The following MYO7B variants were observed in gnomAD, a reference collection of about 807,000 sequenced individuals.
MYO7B encodes the protein myosin VIIB.
Under a neutral mutation model 259.7 loss-of-function variants are expected in MYO7B, and 212 were observed. The ratio of observed to expected loss-of-function variants is 0.82; its 90% CI spans 0.73 to 0.91. The LOEUF (loss-of-function observed/expected upper bound fraction) is 0.91. Among genes scored for constraint, MYO7B ranks in the 40% least tolerant of loss-of-function variants. MYO7B has a pLI of 0.00. For missense variants in MYO7B, 2,732 were observed against 2,813.5 expected (o/e 0.97, Z 0.66); for synonymous variants, 1,197 against 1,166.4 (o/e 1.03, Z -0.54).
In MYO7B at chr2:127,569,768, C is replaced by T. The variant is rs1678508075; in HGVS notation, c.471-21C>T. On this transcript the variant is annotated intron_variant, in intron 5 of 47. Transcript: ENST00000409816. ...AAATAGTCGTTTTGTGGCATCATGTCCCTGCACACCCTTTTTGCAGCGGCG... is the reference window on the plus strand; with the variant it reads ...AAATAGTCGTTTTGTGGCATCATGTTCCTGCACACCCTTTTTGCAGCGGCG... The T allele has an allele frequency of 2.5e-6, 4 of 1,598,246 alleles. No homozygotes were observed. The African/African-American group carries it at 5.4e-5, about 21-fold the overall frequency.
At chr2:127,637,252 T>G in intron 47 of MYO7B, 64 bp from the exon 48 acceptor site, 1 of 1,258,426 alleles carries the variant, frequency 7.9e-7, no homozygotes, top group Non-Finnish European at 1.1e-6. Context: ...AGGTGGTCCC[T>G]GAGTCCAGGA....
At chr2:127,589,919 G>A in intron 15 of MYO7B, among the ~76,000 whole-genome samples, 173 bp from the exon 16 acceptor site, 2 of 148,338 alleles carry the variant, frequency 1.3e-5, no homozygotes, top group Non-Finnish European at 3.0e-5. Context: ...GGGGTGGGTG[G>A]ATGGGTGAGT....
Position 127,576,190 on chromosome 2 carries a change from C to A in MYO7B, c.736-405C>A, listed in dbSNP as rs934271461. ...CTCTAGCTTGGGTGACAGAGCAAGA[C>A]CTTCTCTCGGAAAAAAAAAAAATAC... On this transcript the variant is annotated intron_variant, in intron 7 of 47. Coordinates refer to ENST00000409816, the MANE Select transcript of MYO7B (RefSeq NM_001393586.1). This position sits in a 1 kb window ranked among gnomAD's most constrained non-coding sequence, Gnocchi z 4.9. Among the ~76,000 whole-genome samples the A allele has an allele frequency of 6.6e-6, 1 of 151,628 alleles. No homozygotes were observed. Among genetic ancestry groups the A allele is most frequent in the Non-Finnish European group, 1.5e-5 (1 of 67,892 alleles).
chr2:127,558,988 A>G (rs1677950724), intron 1 of MYO7B, among the ~76,000 whole-genome samples: 1 of 152,220 alleles, frequency 6.6e-6, no homozygotes, highest in South Asian at 2.1e-4. Context: ...AGTCACGGCT[A>G]AAGAGCTTAG....
chr2:127,550,199 A>G (rs1257991229), intron 1 of MYO7B, among the ~76,000 whole-genome samples: 6 of 152,142 alleles, frequency 3.9e-5, no homozygotes, highest in Non-Finnish European at 7.4e-5. Flanking sequence ...GATGTTCCCC[A>G]TAAGGATATA....
intron 1 of MYO7B, among the ~76,000 whole-genome samples, chr2:127,543,008 G>A (rs574612884): frequency 1.8e-4 from 27 of 152,236 alleles, no homozygotes; most frequent in Admixed American, 9.8e-4. Flanking sequence ...ACATACAATC[G>A]TGTTTTACAC....
Position 127,608,836 on chromosome 2 carries a change from C to T in MYO7B, c.2772C>T (p.Ala924=). The T allele has an allele frequency of 1.2e-6, 2 of 1,613,500 alleles. No homozygotes were observed. The highest frequency in any genetic ancestry group is 1.7e-6 in the Non-Finnish European group (2 of 1,179,836). The part of the protein sequence containing the change: ...MVEKVFGFLP[A]MIGGQEGQAS... ...AGAAGGTGTTCGGCTTCCTCCCTGCCATGATTGGGGGCCAGGAGGGCCAGG... is the reference window on the plus strand; with the variant it reads ...AGAAGGTGTTCGGCTTCCTCCCTGCTATGATTGGGGGCCAGGAGGGCCAGG... Residue 924 remains alanine (A), a synonymous_variant, in exon 22 of 48, where the codon GCC becomes GCT. Coordinates refer to ENST00000409816, the MANE Select transcript of MYO7B (RefSeq NM_001393586.1).
At chr2:127,606,587 GT>G (rs770176973) in intron 20 of MYO7B, among the ~76,000 whole-genome samples, 1 of 152,226 alleles carries the variant, frequency 6.6e-6, no homozygotes, top group Non-Finnish European at 1.5e-5. Flanking sequence ...ACATAGAGGG[GT>G]TGAGCAGTTT....
rs553020457 is a variant in MYO7B, at chr2:127,584,957, G to A, written c.1690+44G>A. ...TCATGTCCCTTCCAAATCTGGACCGGGTTCCAGGGAGACCGTGGAAAGCAG... is the reference window on the plus strand; with the variant it reads ...TCATGTCCCTTCCAAATCTGGACCGAGTTCCAGGGAGACCGTGGAAAGCAG... On this transcript the variant is annotated intron_variant, in intron 14 of 47. Transcript: ENST00000409816. This position sits in a 1 kb window ranked among gnomAD's most constrained non-coding sequence, Gnocchi z 5.8. 1 of 1,607,962 alleles carries A rather than the reference G, an allele frequency of 6.2e-7. No individual in the cohort carries two copies.
intron 29 of MYO7B, 54 bp from the exon 30 acceptor site, chr2:127,624,038 CG>C (rs909389473): frequency 6.8e-7 from 1 of 1,480,592 alleles, no homozygotes; most frequent in Non-Finnish European, 9.1e-7. Context: ...TGGGCGTCCC[CG>C]TGGGGTGGGG....
Position 127,636,568 on chromosome 2 carries a change from G to T in MYO7B, c.6147G>T (p.Pro2049=). The change falls in exon 46 of 48, where the codon CCG becomes CCT. Residue 2049 remains proline (P), a synonymous_variant. Coordinates refer to ENST00000409816, the MANE Select transcript of MYO7B (RefSeq NM_001393586.1). This position sits in a 1 kb window ranked among gnomAD's most constrained non-coding sequence, Gnocchi z 4.5. ...EVKQTSEPSY[P]DVILIAINRH... ...AGCAAACCTCGGAGCCTTCCTACCCGGACGTCATCCTCATCGCCATCAACC... is the reference window on the plus strand; with the variant it reads ...AGCAAACCTCGGAGCCTTCCTACCCTGACGTCATCCTCATCGCCATCAACC... The T allele has an allele frequency of 6.2e-7, 1 of 1,612,400 alleles. No individual in the cohort carries two copies. The highest frequency in any genetic ancestry group is 8.5e-7 in the Non-Finnish European group (1 of 1,179,296).
chr2:127,554,275 T>C (rs559589943), intron 1 of MYO7B, among the ~76,000 whole-genome samples: 2 of 152,122 alleles, frequency 1.3e-5, no homozygotes, highest in Non-Finnish European at 2.9e-5. Context: ...GGTTTCTCCA[T>C]GTTGGTCAGG....
At position 127,582,460 on chromosome 2, in the gene MYO7B, A is replaced by G. The variant is rs1255846639; in HGVS notation, c.1343+14A>G. Reference sequence around the variant, plus strand: ...CGAGAACAATAGGTATGAAGATCTCAGATCCCAGCCCCACTGCTTCCAGAA... The same window carrying G: ...CGAGAACAATAGGTATGAAGATCTCGGATCCCAGCCCCACTGCTTCCAGAA... On this transcript the variant is annotated intron_variant, in intron 12 of 47. Transcript: ENST00000409816. 4.3e-6 allele frequency: 7 copies of G among 1,611,790 alleles called. No individual in the cohort carries two copies. The African/African-American group carries it at 9.3e-5, about 22-fold the overall frequency.
chr2:127,600,183 G>A (rs1003414851), intron 19 of MYO7B, among the ~76,000 whole-genome samples: 1 of 152,084 alleles, frequency 6.6e-6, no homozygotes, highest in Non-Finnish European at 1.5e-5. Flanking sequence ...AATAGTTATA[G>A]GAATGATTCA....
rs1376386861 is a variant in MYO7B, at chr2:127,631,281, C to T, written c.5013C>T (p.Ser1671=). Residue 1671 remains serine, a synonymous_variant, in exon 37 of 48, where the codon TCC becomes TCT. Transcript: ENST00000409816. The part of the protein sequence containing the change: ...ARARGHLWAY[S]CEPLRQPLLK... ...CCCGTGGCCACCTGTGGGCCTATTCCTGCGAGCCGCTGCGACAGCCGCTGC... is the reference window on the plus strand; with the variant it reads ...CCCGTGGCCACCTGTGGGCCTATTCTTGCGAGCCGCTGCGACAGCCGCTGC... 17 of 1,612,048 alleles carry T rather than the reference C, an allele frequency of 1.1e-5. No individual in the cohort carries two copies. The highest frequency in any genetic ancestry group is 1.2e-5 in the Non-Finnish European group (14 of 1,179,404).
rs1276945975 is a variant in MYO7B, at chr2:127,588,692, GATGGATGGGTGA to G, written c.1854+149_1854+160del. 3.0e-6 allele frequency: 3 copies of G among 1,008,630 alleles called. No individual in the cohort carries two copies. In the South Asian group the frequency reaches 4.8e-5, roughly 16 times the overall value. The allele number at this position is 1,008,630 out of a possible 1,614,324, so 62.5% of individuals were successfully genotyped here. A position where few individuals can be genotyped will look rare whatever the true frequency, so the allele number is the denominator to read the frequency against. ...GCACTTGGGAATCCTGCAATGGATG[GATGGATGGGTGA>G]ATGGATGGGTGGGTGGATAGATGGG... On this transcript the variant is annotated intron_variant, in intron 15 of 47. Transcript: ENST00000409816.
chr2:127,602,619 C>T (rs767382745), intron 19 of MYO7B, among the ~76,000 whole-genome samples: 4 of 152,128 alleles, frequency 2.6e-5, no homozygotes, highest in African/African-American at 2.4e-5. Flanking sequence ...CACTGCACTC[C>T]AGCCCAAATG....
Position 127,607,360 on chromosome 2 carries a change from T to TGGTC in MYO7B, c.2580_2583dup (p.Ile862GlyfsTer51), listed in dbSNP as rs1680196657. ...GTCCAGGCCAAGAGGAGGGCAGTGG[T>TGGTC]GGTCATTCAGGCCCATGCCAGGGGC... On this transcript the variant is annotated frameshift_variant, in exon 21 of 48. Transcript: ENST00000409816. LOFTEE classifies it high-confidence loss of function. This position sits in a 1 kb window ranked among gnomAD's most constrained non-coding sequence, Gnocchi z 4.4. 6.4e-7 allele frequency: 1 copy of TGGTC among 1,551,302 alleles called. No individual in the cohort carries two copies. Among genetic ancestry groups the TGGTC allele is most frequent in the Non-Finnish European group, 8.7e-7 (1 of 1,146,844 alleles).
chr2:127,559,821 G>A lies in MYO7B; in HGVS notation c.18+81G>A. 3 of 1,512,968 alleles carry A rather than the reference G, an allele frequency of 2.0e-6. No homozygotes were observed. The highest frequency in any genetic ancestry group is 1.7e-5 in the Admixed American group (1 of 59,852). 93.7% of individuals were successfully genotyped at this position (1,512,968 alleles called of 1,614,324 possible). A position where few individuals can be genotyped will look rare whatever the true frequency, so the allele number is the denominator to read the frequency against. On this transcript the variant is annotated intron_variant, in intron 2 of 47. Coordinates refer to ENST00000409816, the MANE Select transcript of MYO7B (RefSeq NM_001393586.1). The surrounding 1 kb of genome is among the most constrained non-coding windows in gnomAD (Gnocchi z 4.1). ...GTTGAATCGCTCCCAAGGAAAGAGA[G>A]GAAAGGCAATGAGACCCTATAGGAA...
Sources: allele counts gnomAD v4.1 joint callset (sites outside exome capture counted in the v4.1 genomes callset), GRCh38; gene constraint gnomAD v4.1.1; non-coding constraint Gnocchi (gnomAD v3.1); transcripts MANE v1.5; gene names NCBI Gene and HGNC (gene_info 2026-07-23, HGNC 2026-07-21).